CCNH: variants seen among roughly 807,000 people sequenced by gnomAD.
CCNH encodes the protein cyclin H.
A neutral mutation model predicts 41.9 loss-of-function variants in CCNH; 31 were observed. The observed-to-expected ratio is 0.74, with a 90% CI of 0.56 to 1.00. The LOEUF (loss-of-function observed/expected upper bound fraction) is 1.00. Ranked by LOEUF, CCNH falls within the 50% of genes least tolerant of loss-of-function variation. The pLI, the probability that CCNH is intolerant of heterozygous loss-of-function variation, is 0.00. For synonymous variants in CCNH, 138 were observed against 136.1 expected, an observed-to-expected ratio of 1.01 and a Z score of -0.10; for missense variants, 362 against 388.4, an observed-to-expected ratio of 0.93 and a Z score of 0.57.
At chr5:87,367,454 A>G (rs925171606) in intron 9 of CCNH, among the ~76,000 whole-genome samples, 12 of 152,230 alleles carry the variant, frequency 7.9e-5, no homozygotes, top group South Asian at 4.1e-4. Flanking sequence ...GTAGGTGATT[A>G]GTGCGCATGC....
At chr5:87,367,635 C>T (rs1041355749) in intron 9 of CCNH, among the ~76,000 whole-genome samples, 3 of 152,136 alleles carry the variant, frequency 2.0e-5, no homozygotes, top group African/African-American at 7.2e-5. Context: ...AGAAAGATGT[C>T]TTAGTGACAC....
intron 9 of CCNH, chr5:87,333,130 G>A: frequency 7.5e-7 from 1 of 1,334,422 alleles, no homozygotes; most frequent in South Asian, 1.5e-5. Context: ...GGTATTTATA[G>A]TCCAAGTAAA....
intron 9 of CCNH, among the ~76,000 whole-genome samples, chr5:87,360,586 A>G (rs1396148542): frequency 6.6e-6 from 1 of 152,202 alleles, no homozygotes. Flanking sequence ...TACTTTCAGT[A>G]ATTTTTTATA....
intron 9 of CCNH, among the ~76,000 whole-genome samples, chr5:87,344,078 G>A (rs1758670016): frequency 1.3e-5 from 2 of 152,092 alleles, no homozygotes; most frequent in South Asian, 4.1e-4. Flanking sequence ...AGGGTAGCAG[G>A]GAAGGGGGGA....
At chr5:87,341,964 C>T (rs1036176157) in intron 9 of CCNH, among the ~76,000 whole-genome samples, 2 of 152,062 alleles carry the variant, frequency 1.3e-5, no homozygotes, top group East Asian at 3.9e-4. Context: ...CAACTGACTA[C>T]TCCATTTGCA....
intron 9 of CCNH, among the ~76,000 whole-genome samples, chr5:87,329,823 A>G (rs1266595306): frequency 6.6e-6 from 1 of 152,178 alleles, no homozygotes; most frequent in African/African-American, 2.4e-5. Flanking sequence ...TCACAACTAA[A>G]TAAACTCATA....
At chr5:87,407,758 T>G (rs1190081442) in intron 4 of CCNH, among the ~76,000 whole-genome samples, 1 of 152,126 alleles carries the variant, frequency 6.6e-6, no homozygotes, top group Non-Finnish European at 1.5e-5. Context: ...TCAGAAACTC[T>G]GTAAGTCCCA....
At chr5:87,392,137 C>T, downstream of CCNH, 2 of 401,366 alleles carry the variant, frequency 5.0e-6, no homozygotes, top group South Asian at 3.9e-5. Context: ...ACATATGGAA[C>T]ATACGTGGCA....
chr5:87,338,536 A>ATATATATATATATATATATATATTT, intron 9 of CCNH, among the ~76,000 whole-genome samples: 4 of 85,218 alleles, frequency 4.7e-5, no homozygotes, highest in Non-Finnish European at 9.3e-5. Context: ...TATATATAAA[A>ATATATATATATATATATATATATTT]TTTTTTTTTT....
chr5:87,372,983 A>G (rs1466334519), downstream of CCNH, among the ~76,000 whole-genome samples: 1 of 152,196 alleles, frequency 6.6e-6, no homozygotes, highest in Non-Finnish European at 1.5e-5. Flanking sequence ...AAATTTAAGT[A>G]TACACACAAT....
intron 9 of CCNH, among the ~76,000 whole-genome samples, chr5:87,358,351 A>G (rs536789070): frequency 8.2e-4 from 125 of 152,302 alleles, no homozygotes; most frequent in Middle Eastern, 3.4e-3. Context: ...TAATTTTCTC[A>G]ACAACTTTAC....
At chr5:87,334,068 G>A (rs1426717811) in intron 9 of CCNH, among the ~76,000 whole-genome samples, 1 of 152,168 alleles carries the variant, frequency 6.6e-6, no homozygotes, top group African/African-American at 2.4e-5. Context: ...CATTTAGAAG[G>A]TTCATGTATT....
chr5:87,363,482 G>A lies in CCNH; in HGVS notation c.*90+29288C>T, dbSNP rs771416114. ...TCTCAGTGTATGTTCTGTCTATGTC[G>A]TTCATGATAGTCTCTTTGGCAGGTA... On this transcript the variant is annotated intron_variant and NMD_transcript_variant, in intron 9 of 9. Transcript: ENST00000645953. The A allele has an allele frequency of 5.0e-6, 8 of 1,612,006 alleles. No homozygotes were observed. Among genetic ancestry groups the A allele is most frequent in the African/African-American group, 1.3e-5 (1 of 74,810 alleles).
At chr5:87,377,579 C>T (rs563545281), upstream of CCNH, among the ~76,000 whole-genome samples, 6 of 152,154 alleles carry the variant, frequency 3.9e-5, no homozygotes, top group East Asian at 1.9e-4. Context: ...TCAGGTGATC[C>T]GCCTGCCTCA....
downstream of CCNH, chr5:87,392,948 GT>G (rs1335396176): frequency 6.6e-6 from 1 of 152,048 alleles, no homozygotes; most frequent in Non-Finnish European, 1.5e-5. Context: ...TTGTAATTCT[GT>G]CTAGAGCCTA....
chr5:87,335,470 G>A (rs1757907148), intron 9 of CCNH, among the ~76,000 whole-genome samples: 1 of 133,616 alleles, frequency 7.5e-6, no homozygotes, highest in African/African-American at 2.9e-5. Flanking sequence ...TTGTCACCCA[G>A]GCTGGAGTGC....
intron 9 of CCNH, among the ~76,000 whole-genome samples, chr5:87,370,825 T>G (rs1760880613): frequency 6.6e-6 from 1 of 152,132 alleles, no homozygotes; most frequent in Non-Finnish European, 1.5e-5. Flanking sequence ...ACCCTAGATA[T>G]GAGGAAGATG....
chr5:87,355,376 A>G (rs1220466018), intron 9 of CCNH, among the ~76,000 whole-genome samples: 1 of 152,172 alleles, frequency 6.6e-6, no homozygotes, highest in Non-Finnish European at 1.5e-5. Flanking sequence ...ATTATGCCAA[A>G]TCTACTGTGC....
In CCNH at chr5:87,412,880, C is replaced by G. The variant is rs947241952; in HGVS notation, c.-86G>C. 3.2e-6 allele frequency: 5 copies of G among 1,550,706 alleles called. No individual in the cohort carries two copies. The highest frequency in any genetic ancestry group is 4.4e-6 in the Non-Finnish European group (5 of 1,144,282). ...TGGCGTAAAACACCCGTACCCCCAC[C>G]GAAGATCTCGCGGAAGCCTAGGGCG... On this transcript the variant is annotated 5_prime_UTR_variant, in exon 1 of 9. Transcript: ENST00000256897.
Sources: gnomAD v4.1 joint callset for allele counts (sites outside exome capture counted in the v4.1 genomes callset) on GRCh38, gnomAD v4.1.1 for gene constraint, MANE v1.5 for transcripts, NCBI Gene and HGNC (gene_info 2026-07-23, HGNC 2026-07-21) for gene names.